CACNA1A: variants seen among roughly 807,000 people sequenced by gnomAD.
CACNA1A encodes calcium voltage-gated channel subunit alpha1 A, also known as voltage-dependent P/Q-type calcium channel subunit alpha-1A.
Under a neutral mutation model 262.4 loss-of-function variants are expected in CACNA1A, and 57 were observed. The ratio of observed to expected loss-of-function variants is 0.22; its 90% CI spans 0.18 to 0.27. The LOEUF is 0.27. Ranked by LOEUF, CACNA1A falls within the 10% of genes least tolerant of loss-of-function variation. The pLI, the probability that CACNA1A is intolerant of heterozygous loss-of-function variation, is 1.00. For missense variants in CACNA1A, 2,526 were observed against 3,562.8 expected (o/e 0.71, Z 7.41); for synonymous variants, 1,431 against 1,419.3 (o/e 1.01, Z -0.18).
chr19:13,270,011 C>T (rs959031649), intron 24 of CACNA1A, among the ~76,000 whole-genome samples: 4 of 152,170 alleles, frequency 2.6e-5, no homozygotes, highest in Non-Finnish European at 5.9e-5. Context: ...TATTCCCTTC[C>T]CCTGGATCTC....
At chr19:13,382,206 G>A (rs1317988284) in intron 3 of CACNA1A, among the ~76,000 whole-genome samples, 1 of 152,166 alleles carries the variant, frequency 6.6e-6, no homozygotes, top group Non-Finnish European at 1.5e-5. Flanking sequence ...AAGAGGGAAT[G>A]ATTACAGCCT....
chr19:13,301,954 C>T (rs1458950720), intron 17 of CACNA1A, among the ~76,000 whole-genome samples: 6 of 151,290 alleles, frequency 4.0e-5, no homozygotes, highest in Non-Finnish European at 1.5e-5. Context: ...GCCTCAGAAA[C>T]ACCTAAAATG....
intron 6 of CACNA1A, among the ~76,000 whole-genome samples, chr19:13,355,650 T>C: frequency 6.6e-6 from 1 of 152,076 alleles, no homozygotes; most frequent in East Asian, 1.9e-4. Flanking sequence ...CTAGGGGTTG[T>C]CCATGCAGGC....
At chr19:13,475,283 C>T (rs1288167529) in intron 1 of CACNA1A, among the ~76,000 whole-genome samples, 3 of 152,214 alleles carry the variant, frequency 2.0e-5, no homozygotes, top group African/African-American at 2.4e-5. Flanking sequence ...TGGTTGAACA[C>T]ACCCCAGGTC....
chr19:13,237,621 C>T (rs1017514029), intron 31 of CACNA1A, among the ~76,000 whole-genome samples: 4 of 152,124 alleles, frequency 2.6e-5, no homozygotes, highest in Admixed American at 2.0e-4. Flanking sequence ...CACATCAGTG[C>T]GTCCTTAGGC....
At chr19:13,246,239 C>G (rs1190878819) in intron 30 of CACNA1A, among the ~76,000 whole-genome samples, 1 of 152,200 alleles carries the variant, frequency 6.6e-6, no homozygotes, top group African/African-American at 2.4e-5. Context: ...GGGTGCAGAA[C>G]AGGCACTGGA....
intron 2 of CACNA1A, 145 bp from the exon 3 acceptor site, chr19:13,453,160 CAGAGTTCTCTTGTCCAA>C: frequency 1.3e-6 from 1 of 787,046 alleles, no homozygotes; most frequent in Non-Finnish European, 2.0e-6. Context: ...CTGCCTCTTG[CAGAGTTCTCTTGTCCAA>C]AGCCTTTTGC....
At chr19:13,219,205 C>T (rs1048385152) in intron 38 of CACNA1A, among the ~76,000 whole-genome samples, 2 of 151,276 alleles carry the variant, frequency 1.3e-5, no homozygotes, top group African/African-American at 4.9e-5. Context: ...CCACGCCTGG[C>T]TAATTTTTGT....
At chr19:13,399,518 C>G (rs1398011123) in intron 3 of CACNA1A, among the ~76,000 whole-genome samples, 1 of 151,934 alleles carries the variant, frequency 6.6e-6, no homozygotes, top group African/African-American at 2.4e-5. Context: ...TTTGTCTTAG[C>G]AGAAAAAAGT....
intron 19 of CACNA1A, among the ~76,000 whole-genome samples, chr19:13,288,046 T>G (rs2057445315): frequency 6.6e-6 from 1 of 151,966 alleles, no homozygotes; most frequent in Non-Finnish European, 1.5e-5. Context: ...CAAGTGATTC[T>G]TCCTCCTCGG....
chr19:13,404,189 T>TACACACACACAC (rs374169413), intron 3 of CACNA1A, among the ~76,000 whole-genome samples: 6 of 150,970 alleles, frequency 4.0e-5, no homozygotes, highest in Non-Finnish European at 8.9e-5. Flanking sequence ...TATACACATA[T>TACACACACACAC]ACACACACAC....
intron 1 of CACNA1A, among the ~76,000 whole-genome samples, chr19:13,458,706 G>T (rs1326986693): frequency 6.6e-6 from 1 of 152,168 alleles, no homozygotes; most frequent in Non-Finnish European, 1.5e-5. Flanking sequence ...CAGAGGATCT[G>T]CAGGGCAGGT....
intron 24 of CACNA1A, chr19:13,263,099 C>G: frequency 2.1e-6 from 1 of 466,308 alleles, no homozygotes; most frequent in Non-Finnish European, 4.0e-6. Flanking sequence ...GCCTGAGCAG[C>G]TGTATTGGGT....
intron 6 of CACNA1A, among the ~76,000 whole-genome samples, chr19:13,346,510 C>T (rs187923793): frequency 7.0e-4 from 105 of 150,214 alleles, no homozygotes; most frequent in African/African-American, 2.5e-3. Context: ...CAGGGACATA[C>T]ATTAATGATC....
intron 6 of CACNA1A, among the ~76,000 whole-genome samples, chr19:13,336,598 A>AGAGAGGGG (rs757141936): frequency 2.0e-5 from 2 of 102,346 alleles, no homozygotes; most frequent in Admixed American, 9.1e-5. Context: ...AGAGAGGGAG[A>AGAGAGGGG]GAGAGAGAGA....
chr19:13,263,756 G>A (rs2056796475), intron 24 of CACNA1A, among the ~76,000 whole-genome samples: 4 of 151,364 alleles, frequency 2.6e-5, no homozygotes, highest in Non-Finnish European at 5.9e-5. Flanking sequence ...CCTGACCTCA[G>A]GTGATCCACC....
chr19:13,253,248 G>C (rs2056449478), intron 29 of CACNA1A, 147 bp from the exon 30 acceptor site: 1 of 501,128 alleles, frequency 2.0e-6, no homozygotes, highest in South Asian at 3.3e-5. Flanking sequence ...CACAGTTCAG[G>C]AAAGCCCCGC....
chr19:13,387,113 G>A (rs1453740163), intron 3 of CACNA1A, among the ~76,000 whole-genome samples: 2 of 151,966 alleles, frequency 1.3e-5, no homozygotes, highest in East Asian at 2.0e-4. Flanking sequence ...CACCACGCCT[G>A]GCTAATTTTT....
chr19:13,393,898 C>G (rs1396491612), intron 3 of CACNA1A, among the ~76,000 whole-genome samples: 2 of 151,508 alleles, frequency 1.3e-5, no homozygotes, highest in Non-Finnish European at 2.9e-5. Context: ...TCACTGCAAC[C>G]TCTGCCTCCC....
Sources: allele counts gnomAD v4.1 joint callset (sites outside exome capture counted in the v4.1 genomes callset), GRCh38; gene constraint gnomAD v4.1.1; transcripts MANE v1.5; gene names NCBI Gene and HGNC (gene_info 2026-07-23, HGNC 2026-07-21).